BNC2: variants seen among roughly 807,000 people sequenced by gnomAD.
BNC2 encodes the protein zinc finger protein basonuclin-2.
Under a neutral mutation model 76.3 loss-of-function variants are expected in BNC2, and 20 were observed. The observed-to-expected ratio is 0.26, with a 90% CI of 0.18 to 0.38. BNC2 has a LOEUF of 0.38. Ranked by LOEUF, BNC2 falls within the 10% of genes least tolerant of loss-of-function variation. The probability of loss-of-function intolerance (pLI) is 1.00; values close to 1 mark genes in which losing one functional copy is unlikely to be tolerated. For synonymous variants in BNC2, 582 were observed against 514.8 expected (o/e 1.13, Z -1.77); for missense variants, 1,382 against 1,399.8 (o/e 0.99, Z 0.20).
Position 16,818,935 on chromosome 9 carries a change from C to CT in BNC2, c.3+51710dup, listed in dbSNP as rs562517594. Among the ~76,000 whole-genome samples, 581 of 152,278 alleles carry CT rather than the reference C, an allele frequency of 3.8e-3. 1 individual carries two copies. Among genetic ancestry groups the CT allele is most frequent in the Non-Finnish European group, 6.4e-3 (437 of 68,030 alleles). Reference sequence around the variant, plus strand: ...ATCTCTTCCATTTCTTACATCCTATCTTAACAATATACTCTGGCTTCACTG... The same window carrying CT: ...ATCTCTTCCATTTCTTACATCCTATCTTTAACAATATACTCTGGCTTCACTG... On this transcript the variant is annotated intron_variant, in intron 1 of 6. Transcript: ENST00000380672.
At chr9:16,450,691 ACT>A (rs926140762) in intron 5 of BNC2, among the ~76,000 whole-genome samples, 7 of 152,222 alleles carry the variant, frequency 4.6e-5, no homozygotes, top group African/African-American at 1.7e-4. Context: ...CCATACAGTA[ACT>A]CTTGGTGCAC....
At chr9:16,501,986 G>C (rs571379873) in intron 5 of BNC2, among the ~76,000 whole-genome samples, 1 of 152,262 alleles carries the variant, frequency 6.6e-6, no homozygotes, top group East Asian at 1.9e-4. Flanking sequence ...TAATTTGTAA[G>C]GGCTTTTTTG....
intron 1 of BNC2, among the ~76,000 whole-genome samples, chr9:16,866,232 T>G (rs1819539833): frequency 6.6e-6 from 1 of 152,160 alleles, no homozygotes; most frequent in Admixed American, 6.6e-5. Context: ...TAAATCCTAT[T>G]TCTTTAACTT....
At chr9:16,728,267 T>C (rs1479490047) in intron 2 of BNC2, 2 of 527,606 alleles carry the variant, frequency 3.8e-6, no homozygotes, top group Admixed American at 3.0e-5. Context: ...CTTCAAACTC[T>C]CAGCCACTGC....
intron 3 of BNC2, among the ~76,000 whole-genome samples, chr9:16,655,616 CT>C (rs1821908643): frequency 6.6e-6 from 1 of 152,198 alleles, no homozygotes; most frequent in South Asian, 2.1e-4. Flanking sequence ...ATGAATCAGA[CT>C]TTTAAAAAAT....
At chr9:16,477,771 G>A (rs1821958795) in intron 5 of BNC2, among the ~76,000 whole-genome samples, 1 of 151,996 alleles carries the variant, frequency 6.6e-6, no homozygotes, top group Non-Finnish European at 1.5e-5. Flanking sequence ...GAATCAAGAG[G>A]TGTTTTTTCT....
At chr9:16,716,558 A>G (rs1824002228) in intron 3 of BNC2, among the ~76,000 whole-genome samples, 1 of 152,210 alleles carries the variant, frequency 6.6e-6, no homozygotes, top group African/African-American at 2.4e-5. Context: ...ATGGATTTTA[A>G]AAACCAATTA....
chr9:16,534,059 T>C (rs1818061403), intron 5 of BNC2, among the ~76,000 whole-genome samples: 1 of 152,172 alleles, frequency 6.6e-6, no homozygotes, highest in Admixed American at 6.5e-5. Flanking sequence ...ATGGTGTAAG[T>C]GCTTTTTAAA....
rs572436778 is a variant in BNC2, at chr9:16,629,114, T to C, written c.331-46029A>G. On this transcript the variant is annotated intron_variant, in intron 3 of 6. Transcript: ENST00000380672. Reference sequence around the variant, plus strand: ...TTTTGGTTTTTGTCAGTGTTTCACATACAGAGAAGTCAAATGTAAGGACTA... The same window carrying C: ...TTTTGGTTTTTGTCAGTGTTTCACACACAGAGAAGTCAAATGTAAGGACTA... Among the ~76,000 whole-genome samples the C allele has an allele frequency of 8.3e-4, 126 of 152,338 alleles. 1 individual carries two copies. Among genetic ancestry groups the C allele is most frequent in the African/African-American group, 3.0e-3 (123 of 41,572 alleles).
chr9:16,675,966 G>C (rs990590667), intron 3 of BNC2, among the ~76,000 whole-genome samples: 1 of 152,142 alleles, frequency 6.6e-6, no homozygotes, highest in South Asian at 2.1e-4. Context: ...TCAGGAGGCT[G>C]AGGCAGGAGA....
intron 1 of BNC2, among the ~76,000 whole-genome samples, chr9:16,808,145 C>T (rs1226659379): frequency 6.6e-6 from 1 of 152,076 alleles, no homozygotes; most frequent in Admixed American, 6.6e-5. Context: ...CTGATAGCTA[C>T]AAGTGTTAGA....
At chr9:16,563,490 ATTTCT>A (rs1819076377) in intron 4 of BNC2, among the ~76,000 whole-genome samples, 1 of 152,202 alleles carries the variant, frequency 6.6e-6, no homozygotes, top group African/African-American at 2.4e-5. Flanking sequence ...ATTTGATATA[ATTTCT>A]TAAAGCCCTT....
intron 1 of BNC2, among the ~76,000 whole-genome samples, chr9:16,820,286 C>T (rs949816334): frequency 3.3e-5 from 5 of 151,504 alleles, no homozygotes; most frequent in Admixed American, 2.6e-4. Flanking sequence ...ATTAGCTGGG[C>T]GTGGTGGCAG....
At chr9:16,851,177 A>G (rs966777807) in intron 1 of BNC2, among the ~76,000 whole-genome samples, 1 of 152,218 alleles carries the variant, frequency 6.6e-6, no homozygotes, top group Non-Finnish European at 1.5e-5. Flanking sequence ...AGTTCTTCAA[A>G]TGTTATAAAA....
At chr9:16,704,407 G>A (rs188310170) in intron 3 of BNC2, among the ~76,000 whole-genome samples, 153 of 152,168 alleles carry the variant, frequency 1.0e-3, no homozygotes, top group African/African-American at 3.4e-3. Flanking sequence ...GAAGATGCTC[G>A]TGTGGTTTCA....
chr9:16,830,066 A>G (rs951429035), intron 1 of BNC2, among the ~76,000 whole-genome samples: 2 of 152,226 alleles, frequency 1.3e-5, no homozygotes, highest in Non-Finnish European at 2.9e-5. Context: ...AAAAGCCTAG[A>G]AGGTCTGTAA....
At position 16,678,443 on chromosome 9, in the gene BNC2, A is replaced by AT. The variant is rs566422738; in HGVS notation, c.330+49353dup. On this transcript the variant is annotated intron_variant, in intron 3 of 6. Transcript: ENST00000380672. ...CCACCATGCCCAGCTAATTTTCTGT[A>AT]TTTTTTTATTAGAGACAGGGTTTCA... 2.1e-3 allele frequency among the ~76,000 whole-genome samples: 313 copies of AT among 150,382 alleles called. 1 individual carries two copies. The highest frequency in any genetic ancestry group is 3.1e-3 in the Non-Finnish European group (208 of 67,542).
chr9:16,729,556 G>A (rs1055238454), intron 2 of BNC2, among the ~76,000 whole-genome samples: 2 of 151,990 alleles, frequency 1.3e-5, no homozygotes, highest in Non-Finnish European at 2.9e-5. Flanking sequence ...CTTCCCTCCA[G>A]TTCCCCACCA....
At chr9:16,485,763 C>A (rs1822151429) in intron 5 of BNC2, among the ~76,000 whole-genome samples, 1 of 151,966 alleles carries the variant, frequency 6.6e-6, no homozygotes, top group Admixed American at 6.6e-5. Context: ...GAGCTGTTAC[C>A]ACACCACTGC....
Sources: allele counts gnomAD v4.1 joint callset (sites outside exome capture counted in the v4.1 genomes callset), GRCh38; gene constraint gnomAD v4.1.1; transcripts MANE v1.5; gene names NCBI Gene and HGNC (gene_info 2026-07-23, HGNC 2026-07-21).